Variants in C4orf51 observed in about 807,000 individuals in gnomAD.
The protein encoded by C4orf51 is chromosome 4 open reading frame 51.
A neutral mutation model predicts 25.2 loss-of-function variants in C4orf51; 25 were observed. The ratio of observed to expected loss-of-function variants is 0.99; its 90% CI spans 0.72 to 1.39. The LOEUF is 1.39. C4orf51 is among the 40% of genes most tolerant of loss of function. C4orf51 has a pLI of 0.00. For missense variants in C4orf51, 252 were observed against 239.6 expected (o/e 1.05, Z -0.34); for synonymous variants, 100 against 84.5 (o/e 1.18, Z -1.01).
chr4:145,777,745 A>T, the C4orf51 span, among the ~76,000 whole-genome samples: 1 of 152,112 alleles, frequency 6.6e-6, no homozygotes, highest in African/African-American at 2.4e-5. Context: ...ATTCCTTAAG[A>T]TGACCATTAA....
chr4:145,770,271 C>A (rs1736040204), intron 1 of C4orf51, among the ~76,000 whole-genome samples: 1 of 151,694 alleles, frequency 6.6e-6, no homozygotes, highest in African/African-American at 2.4e-5. Context: ...TTCACTCCAG[C>A]CTCGGCAACA....
intron 1 of C4orf51, among the ~76,000 whole-genome samples, chr4:145,695,882 G>A (rs1360810512): frequency 6.6e-6 from 1 of 152,176 alleles, no homozygotes; most frequent in Non-Finnish European, 1.5e-5. Context: ...GGAGCTGGTG[G>A]CCATTAACCT....
At chr4:145,701,310 C>G (rs935440851) in intron 2 of C4orf51, among the ~76,000 whole-genome samples, 1 of 152,122 alleles carries the variant, frequency 6.6e-6, no homozygotes, top group South Asian at 2.1e-4. Context: ...CAAGAACTTC[C>G]AAACGCCTAA....
At chr4:145,755,428 A>T (rs1471190690), downstream of C4orf51, among the ~76,000 whole-genome samples, 1 of 152,266 alleles carries the variant, frequency 6.6e-6, no homozygotes, top group Non-Finnish European at 1.5e-5. Flanking sequence ...CTGAAAACCA[A>T]GAACTAATGA....
intron 1 of C4orf51, among the ~76,000 whole-genome samples, chr4:145,744,877 C>G (rs919389829): frequency 6.6e-6 from 1 of 151,822 alleles, no homozygotes; most frequent in African/African-American, 2.4e-5. Flanking sequence ...GAGATGGGAC[C>G]TTGACGAATA....
At chr4:145,718,992 C>T (rs932910372) in intron 2 of C4orf51, among the ~76,000 whole-genome samples, 19 of 152,216 alleles carry the variant, frequency 1.2e-4, no homozygotes, top group African/African-American at 4.6e-4. Flanking sequence ...GCGTCTTCAT[C>T]TCTATCTTGA....
chr4:145,696,986 G>A (rs1298610982), intron 2 of C4orf51, among the ~76,000 whole-genome samples: 7 of 152,036 alleles, frequency 4.6e-5, no homozygotes, highest in African/African-American at 1.4e-4. Context: ...GCAGTGAGCC[G>A]AGGTGGTGCC....
At chr4:145,773,350 A>C (rs1389684148), downstream of C4orf51, among the ~76,000 whole-genome samples, 2 of 152,180 alleles carry the variant, frequency 1.3e-5, no homozygotes, top group Non-Finnish European at 2.9e-5. Context: ...ACTGACAAAA[A>C]CAAGCTTTTA....
At chr4:145,768,916 T>TATATATATATATATATAAAAAA (rs34051922) in intron 1 of C4orf51, among the ~76,000 whole-genome samples, 1 of 34,414 alleles carries the variant, frequency 2.9e-5, no homozygotes, top group Non-Finnish European at 5.2e-5. Context: ...TATATATATA[T>TATATATATATATATATAAAAAA]TAGGTATACA....
the C4orf51 span, among the ~76,000 whole-genome samples, chr4:145,782,443 A>G: frequency 6.6e-6 from 1 of 152,146 alleles, no homozygotes; most frequent in Non-Finnish European, 1.5e-5. Context: ...GTGCCATGTG[A>G]GAAACTTTGG....
downstream of C4orf51, chr4:145,774,468 GGAGAAGGAGTGT>G: frequency 6.3e-7 from 1 of 1,586,242 alleles, no homozygotes; most frequent in Non-Finnish European, 8.6e-7. Context: ...TGCAGGGGAT[GGAGAAGGAGTGT>G]GAGAAGGACA....
At chr4:145,727,944 T>TA (rs1553966908) in intron 3 of C4orf51, among the ~76,000 whole-genome samples, 7 of 117,680 alleles carry the variant, frequency 5.9e-5, no homozygotes, top group Admixed American at 1.1e-4. Context: ...TATATATACA[T>TA]TATATATAAT....
rs1734793160 is a variant in C4orf51, at chr4:145,763,197, C to T, written n.167-7791C>T. The T allele has an allele frequency of 6.9e-7, 1 of 1,455,574 alleles. No individual in the cohort carries two copies. The highest frequency in any genetic ancestry group is 2.1e-5 in the Admixed American group (1 of 46,590). 90.2% of individuals were successfully genotyped at this position (1,455,574 alleles called of 1,614,324 possible). On this transcript the variant is annotated intron_variant and non_coding_transcript_variant, in intron 1 of 1. Coordinates refer to the C4orf51 transcript ENST00000510096. The surrounding 1 kb of genome is among the most constrained non-coding windows in gnomAD (Gnocchi z 4.6). ...AACAGGATATAGAGTACAAGCAGTT[C>T]CATCACAGAAAAGCAATTTAGACAT... is the stretch of plus-strand genomic sequence containing the variant.
chr4:145,741,087 A>G (rs780258869), intron 1 of C4orf51, among the ~76,000 whole-genome samples: 2 of 152,132 alleles, frequency 1.3e-5, no homozygotes, highest in Admixed American at 1.3e-4. Flanking sequence ...AGAAAAGGAT[A>G]GTTTGTCAGG....
chr4:145,700,780 C>G (rs1043972827), intron 2 of C4orf51, among the ~76,000 whole-genome samples: 1 of 152,024 alleles, frequency 6.6e-6, no homozygotes, highest in African/African-American at 2.4e-5. Flanking sequence ...CCCATCTGAC[C>G]TCTCCCCTCC....
intron 1 of C4orf51, among the ~76,000 whole-genome samples, chr4:145,688,047 C>CA (rs35411144): frequency 0.27 from 40,761 of 150,952 alleles, 5,752 homozygotes; most frequent in East Asian, 0.42. Context: ...CTGCAAAAAT[C>CA]AAAAAAATAG....
At chr4:145,728,819 T>C (rs181169775) in intron 3 of C4orf51, among the ~76,000 whole-genome samples, 3 of 152,354 alleles carry the variant, frequency 2.0e-5, no homozygotes, top group African/African-American at 7.2e-5. Flanking sequence ...TTTAGCTTTT[T>C]CTTATTGATT....
chr4:145,712,143 T>G (rs115114397), intron 2 of C4orf51, among the ~76,000 whole-genome samples: 1,727 of 152,280 alleles, frequency 0.011, 30 homozygotes, highest in African/African-American at 0.039. Context: ...TCTCCTCCCC[T>G]TGGGCCCCCC....
At chr4:145,681,003 G>A (rs1728805437) in intron 1 of C4orf51, among the ~76,000 whole-genome samples, 1 of 152,178 alleles carries the variant, frequency 6.6e-6, no homozygotes, top group South Asian at 2.1e-4. Context: ...AGGGAGTGTT[G>A]TGTGTCTGAA....
Sources: gnomAD v4.1 joint callset for allele counts (sites outside exome capture counted in the v4.1 genomes callset) on GRCh38, gnomAD v4.1.1 for gene constraint, Gnocchi (gnomAD v3.1) non-coding constraint, MANE v1.5 for transcripts, NCBI Gene and HGNC (gene_info 2026-07-23, HGNC 2026-07-21) for gene names.